SLC10A4: variants seen among roughly 807,000 people sequenced by gnomAD.
SLC10A4 encodes putative sodium/bile acid cotransporter 4.
SLC10A4 carries 17 observed loss-of-function variants against 22.5 expected under a neutral mutation model. The ratio of observed to expected loss-of-function variants is 0.76; its 90% CI spans 0.52 to 1.14. SLC10A4 has a LOEUF of 1.14. Among genes scored for constraint, SLC10A4 ranks in the 50% most tolerant of loss-of-function variants. SLC10A4 has a pLI of 0.00. For synonymous variants in SLC10A4, 257 were observed against 258.2 expected, an observed-to-expected ratio of 1.00 and a Z score of 0.04; for missense variants, 548 against 584.0, an observed-to-expected ratio of 0.94 and a Z score of 0.64.
rs1468491662 is a variant in SLC10A4 at position 48,483,560 on chromosome 4, C to T, written c.-2C>T. ...ACCGGAATCCGCAGCTCCGGCCGCG[C>T]CATGGACGGCAACGACAACGTGACC... On this transcript the variant is annotated 5_prime_UTR_variant, in exon 1 of 3. Coordinates refer to ENST00000273861, the MANE Select transcript of SLC10A4 (RefSeq NM_152679.4). The surrounding 1 kb of genome is among the most constrained non-coding windows in gnomAD (Gnocchi z 5.4). The T allele has an allele frequency of 6.7e-7, 1 of 1,499,620 alleles. No individual in the cohort carries two copies. Among genetic ancestry groups the T allele is most frequent in the Admixed American group, 2.2e-5 (1 of 46,430 alleles). The allele number at this position is 1,499,620 out of a possible 1,614,324, so 92.9% of individuals were successfully genotyped here.
chr4:48,486,868 C>T (rs1196287643), intron 2 of SLC10A4, among the ~76,000 whole-genome samples: 2 of 152,050 alleles, frequency 1.3e-5, no homozygotes, highest in Non-Finnish European at 2.9e-5. Context: ...TTGCAGCATC[C>T]TCTAGGGTAG....
chr4:48,483,394 T>A lies in SLC10A4; in HGVS notation c.-168T>A, dbSNP rs1577766441. 2.5e-6 allele frequency: 1 copy of A among 406,622 alleles called. No individual in the cohort carries two copies. The highest frequency in any genetic ancestry group is 7.2e-5 in the South Asian group (1 of 13,828). The allele number at this position is 406,622 out of a possible 1,614,324, so 25.2% of individuals were successfully genotyped here. A position where few individuals can be genotyped will look rare whatever the true frequency, so the allele number is the denominator to read the frequency against. The stretch of plus-strand genomic sequence containing the variant: ...GCCAGGCTGCGGGCGGCTGCAGACC[T>A]GGGAGCGGAGACCGGCCCGCCGCCC... On this transcript the variant is annotated 5_prime_UTR_variant, in exon 1 of 3. Transcript: ENST00000273861. The surrounding 1 kb of genome is among the most constrained non-coding windows in gnomAD (Gnocchi z 5.4).
chr4:48,483,715 C>T lies in SLC10A4; in HGVS notation c.154C>T (p.Pro52Ser), dbSNP rs1718223497. The T allele has an allele frequency of 7.0e-7, 1 of 1,437,514 alleles. No individual in the cohort carries two copies. The highest frequency in any genetic ancestry group is 1.5e-5 in the African/African-American group (1 of 66,344). 89.0% of individuals were successfully genotyped at this position (1,437,514 alleles called of 1,614,324 possible). Residue 52 changes from proline to serine, a missense_variant, in exon 1 of 3, where the codon CCG becomes TCG. By Grantham distance (74) the Pro-to-Ser change is moderately conservative. Around this residue, in one of 3 missense-constraint regions of SLC10A4, gnomAD observed 225 missense variants for 206.9 expected, o/e 1.09. Transcript: ENST00000273861. This position sits in a 1 kb window ranked among gnomAD's most constrained non-coding sequence, Gnocchi z 5.4. Reference protein sequence around the residue: ...AGPGPGLSLGPGPSFGFSPGP... With the variant: ...AGPGPGLSLGSGPSFGFSPGP... ...CCCCGGCCCTGGGCTCAGCCTCGGG[C>T]CGGGTCCGAGCTTCGGCTTCAGCCC...
intron 2 of SLC10A4, among the ~76,000 whole-genome samples, chr4:48,486,892 C>G (rs1453353905): frequency 6.6e-6 from 1 of 152,044 alleles, no homozygotes; most frequent in Non-Finnish European, 1.5e-5. Context: ...TTGTGACCAG[C>G]TCAGATAAAT....
rs549718136 is a variant in SLC10A4, at chr4:48,487,204, C to T, written c.802-1223C>T. On this transcript the variant is annotated intron_variant, in intron 2 of 2. Coordinates refer to ENST00000273861, the MANE Select transcript of SLC10A4 (RefSeq NM_152679.4). ...ATACAGAAGTCAGTTGTACTGTATC[C>T]GAAATCCATCTATTGTAATAATACG... Among the ~76,000 whole-genome samples, 25 of 152,224 alleles carry T rather than the reference C, an allele frequency of 1.6e-4. No homozygotes were observed. In the South Asian group the frequency reaches 3.9e-3, roughly 24 times the overall value.
chr4:48,487,752 G>GA (rs1718304887), intron 2 of SLC10A4, among the ~76,000 whole-genome samples: 1 of 143,908 alleles, frequency 6.9e-6, no homozygotes, highest in African/African-American at 2.6e-5. Flanking sequence ...TGTTTTTCAG[G>GA]AAAAAAGCTT....
intron 2 of SLC10A4, 51 bp downstream of exon 2, chr4:48,485,193 T>A (rs1314327664): frequency 6.4e-7 from 1 of 1,556,712 alleles, no homozygotes; most frequent in Non-Finnish European, 8.9e-7. Context: ...CCTTGATCTC[T>A]GACCCACAGC....
Position 48,484,096 on chromosome 4 carries a change from G to C in SLC10A4, c.535G>C (p.Gly179Arg). Reference sequence around the variant, plus strand: ...GGTGCTCCTGTGTGGCTGCTGTCCCGGCGGCAATCTCTCCAATCTTATGTC... The same window carrying C: ...GGTGCTCCTGTGTGGCTGCTGTCCCCGCGGCAATCTCTCCAATCTTATGTC... ...VAVLLCGCCPGGNLSNLMSLL... is the reference protein window; with the variant it reads ...VAVLLCGCCPRGNLSNLMSLL... Residue 179 changes from glycine to arginine, a missense_variant, in exon 1 of 3, where the codon GGC becomes CGC. By Grantham distance (125) the Gly-to-Arg change is moderately radical. Transcript: ENST00000273861. 6.2e-7 allele frequency: 1 copy of C among 1,604,806 alleles called. No individual in the cohort carries two copies. Among genetic ancestry groups the C allele is most frequent in the Non-Finnish European group, 8.5e-7 (1 of 1,177,122 alleles).
At chr4:48,486,325 T>C (rs548331188) in intron 2 of SLC10A4, among the ~76,000 whole-genome samples, 1 of 152,010 alleles carries the variant, frequency 6.6e-6, no homozygotes, top group East Asian at 1.9e-4. Context: ...TATGCATATA[T>C]TAATACCTGT....
chr4:48,486,497 T>C (rs1232820504), intron 2 of SLC10A4, among the ~76,000 whole-genome samples: 1 of 149,332 alleles, frequency 6.7e-6, no homozygotes, highest in Non-Finnish European at 1.5e-5. Context: ...GAAATATATT[T>C]AAAATAAATA....
Position 48,488,383 on chromosome 4 carries a change from C to A in SLC10A4, c.802-44C>A, listed in dbSNP as rs1355614592. Reference sequence around the variant, plus strand: ...TTCCGTGAGCTTAGGATTCTCTCGCCTGAGTTCATCTTCAACCATCTCATT... The same window carrying A: ...TTCCGTGAGCTTAGGATTCTCTCGCATGAGTTCATCTTCAACCATCTCATT... On this transcript the variant is annotated intron_variant, in intron 2 of 2. Coordinates refer to ENST00000273861, the MANE Select transcript of SLC10A4 (RefSeq NM_152679.4). 5 of 1,519,152 alleles carry A rather than the reference C, an allele frequency of 3.3e-6. No individual in the cohort carries two copies. The South Asian group carries it at 6.5e-5, about 20-fold the overall frequency. 94.1% of individuals were successfully genotyped at this position (1,519,152 alleles called of 1,614,324 possible).
chr4:48,484,850 T>C (rs1359486392), intron 1 of SLC10A4, 82 bp from the exon 2 acceptor site: 3 of 1,342,028 alleles, frequency 2.2e-6, no homozygotes, highest in African/African-American at 1.4e-5. Flanking sequence ...CCGTTCCACC[T>C]CTACTCAACA....
In SLC10A4 at chr4:48,483,965, G is replaced by T; in HGVS notation, c.404G>T (p.Arg135Leu). The stretch of plus-strand genomic sequence containing the variant: ...AACCACTTCGGGGCGCACGTCCGTC[G>T]GCCCGTGGGCGCGCTGCTGGCAGCG... ...DVNHFGAHVR[R>L]PVGALLAALC... is the part of the protein sequence containing the mutation. Residue 135 changes from arginine (R) to leucine (L), a missense_variant, in exon 1 of 3, where the codon CGG becomes CTG. Arg to Leu is a moderately radical substitution (Grantham distance 102). This residue lies in a region of SLC10A4 where 225 missense variants were observed against 206.9 expected (regional missense o/e 1.09). Transcript: ENST00000273861. This position sits in a 1 kb window ranked among gnomAD's most constrained non-coding sequence, Gnocchi z 5.4. 1 of 1,549,424 alleles carries T rather than the reference G, an allele frequency of 6.5e-7. No individual in the cohort carries two copies.
At chr4:48,484,831 G>T (rs1243597384) in intron 1 of SLC10A4, 101 bp from the exon 2 acceptor site, 3 of 1,114,188 alleles carry the variant, frequency 2.7e-6, no homozygotes, top group Non-Finnish European at 4.0e-6. Context: ...CCCGGGACTT[G>T]CAGTCTCCCC....
intron 2 of SLC10A4, among the ~76,000 whole-genome samples, chr4:48,487,902 T>G (rs2148672513): frequency 6.9e-6 from 1 of 144,052 alleles, no homozygotes; most frequent in South Asian, 2.3e-4. Context: ...CCTCCCAGGT[T>G]CAAGCAATTC....
chr4:48,488,299 G>A (rs1718316573), intron 2 of SLC10A4, 128 bp from the exon 3 acceptor site: 2 of 848,532 alleles, frequency 2.4e-6, no homozygotes, highest in Non-Finnish European at 3.5e-6. Context: ...CCCATCTTCA[G>A]AAATATTCTG....
chr4:48,485,797 A>C (rs6829716), intron 2 of SLC10A4, among the ~76,000 whole-genome samples: 88,313 of 151,986 alleles, frequency 0.58, 26,640 homozygotes, highest in African/African-American at 0.75. Context: ...TATATGGCTT[A>C]TAAAGCTAGT....
At position 48,485,107 on chromosome 4, in the gene SLC10A4, T is replaced by C. The variant is rs1718261841; in HGVS notation, c.766T>C (p.Tyr256His). 1 of 1,614,014 alleles carries C rather than the reference T, an allele frequency of 6.2e-7. No individual in the cohort carries two copies. Among genetic ancestry groups the C allele is most frequent in the African/African-American group, 1.3e-5 (1 of 74,898 alleles). ...IPIGLGVFIR[Y>H]KYSRVADYIV... Reference sequence around the variant, plus strand: ...TATCGGGTTGGGCGTCTTCATTCGCTACAAATACAGCCGGGTGGCTGACTA... The same window carrying C: ...TATCGGGTTGGGCGTCTTCATTCGCCACAAATACAGCCGGGTGGCTGACTA... The change falls in exon 2 of 3, where the codon TAC becomes CAC. Residue 256 changes from tyrosine to histidine, a missense_variant. Transcript: ENST00000273861.
In SLC10A4 at chr4:48,488,403, C is replaced by T. The variant is rs201465417; in HGVS notation, c.802-24C>T. ...CTCGCCTGAGTTCATCTTCAACCAT[C>T]TCATTGTAATTTTCTATTACTAGGT... On this transcript the variant is annotated intron_variant, in intron 2 of 2. Coordinates refer to ENST00000273861, the MANE Select transcript of SLC10A4 (RefSeq NM_152679.4). 37 of 1,556,696 alleles carry T rather than the reference C, an allele frequency of 2.4e-5. No individual in the cohort carries two copies. In the African/African-American group the frequency reaches 3.3e-4, roughly 14 times the overall value.
Sources: gnomAD v4.1 joint callset for allele counts (sites outside exome capture counted in the v4.1 genomes callset) on GRCh38, gnomAD v4.1.1 for gene constraint, gnomAD v4.1.1 regional missense constraint, Gnocchi (gnomAD v3.1) non-coding constraint, MANE v1.5 for transcripts, NCBI Gene and HGNC (gene_info 2026-07-23, HGNC 2026-07-21) for gene names.